NSUN6: variants seen among roughly 807,000 people sequenced by gnomAD.
NSUN6 encodes the protein NOP2/Sun RNA methyltransferase 6, also known as tRNA (cytosine(72)-C(5))-methyltransferase NSUN6.
A neutral mutation model predicts 58.0 loss-of-function variants in NSUN6; 64 were observed. That is an observed-to-expected ratio of 1.10 (90% confidence interval 0.90 to 1.36). NSUN6 has a LOEUF of 1.36. Among genes scored for constraint, NSUN6 ranks in the 40% most tolerant of loss-of-function variants. NSUN6 has a pLI of 0.00. For missense variants in NSUN6, 701 were observed against 550.1 expected (o/e 1.27, Z -2.74); for synonymous variants, 231 against 193.9 (o/e 1.19, Z -1.59).
At chr10:18,625,535 A>C (rs1238131361) in intron 3 of NSUN6, among the ~76,000 whole-genome samples, 1 of 151,854 alleles carries the variant, frequency 6.6e-6, no homozygotes, top group South Asian at 2.1e-4. Context: ...CAACATGGTA[A>C]AACTCCGTCT....
rs2054235378 is a variant in NSUN6 at position 18,546,036 on chromosome 10, A to G, written c.1307T>C (p.Met436Thr). The G allele has an allele frequency of 1.2e-6, 2 of 1,601,118 alleles. No individual in the cohort carries two copies. The highest frequency in any genetic ancestry group is 1.7e-6 in the Non-Finnish European group (2 of 1,175,448). The change falls in exon 11 of 11, where the codon ATG becomes ACG. Residue 436 changes from methionine to threonine, a missense_variant. Transcript: ENST00000377304. The part of the protein sequence containing the change: ...PSAVPLPDTD[M>T]DSLREARRED... ...TCTTCTGGCCTCTCTAAGAGAGTCCATGTCAGTGTCCGGTAATGGCACAGC... is the reference window on the plus strand; with the variant it reads ...TCTTCTGGCCTCTCTAAGAGAGTCCGTGTCAGTGTCCGGTAATGGCACAGC...
chr10:18,563,273 A>C (rs191182944), intron 8 of NSUN6, among the ~76,000 whole-genome samples: 1 of 151,086 alleles, frequency 6.6e-6, no homozygotes, highest in African/African-American at 2.4e-5. Context: ...AAGGGAAGGG[A>C]ATGGAGAATG....
intron 3 of NSUN6, among the ~76,000 whole-genome samples, chr10:18,630,397 C>G (rs1312228987): frequency 6.6e-6 from 1 of 151,534 alleles, no homozygotes; most frequent in African/African-American, 2.4e-5. Context: ...CAAGAAATAA[C>G]TAAAATCAGA....
At chr10:18,561,459 G>C (rs188663210) in intron 8 of NSUN6, among the ~76,000 whole-genome samples, 16 of 103,730 alleles carry the variant, frequency 1.5e-4, no homozygotes, top group Admixed American at 1.2e-3. Context: ...GAATGGAATG[G>C]AATGGAAAAA....
At chr10:18,609,494 C>A (rs944221310) in intron 6 of NSUN6, among the ~76,000 whole-genome samples, 1 of 151,980 alleles carries the variant, frequency 6.6e-6, no homozygotes, top group African/African-American at 2.4e-5. Flanking sequence ...TACTACCAAA[C>A]CAGCAGACTA....
At position 18,609,857 on chromosome 10, in the gene NSUN6, G is replaced by C; in HGVS notation, c.645C>G (p.Tyr215Ter). Residue 215 changes from tyrosine (Y) to a stop codon, truncating the protein, a stop_gained, in exon 6 of 11, where the codon TAC becomes TAG. Coordinates refer to ENST00000377304, the MANE Select transcript of NSUN6 (RefSeq NM_182543.5). LOFTEE classifies it high-confidence loss of function. ...TATACATACTTACTTGTAAAAATAA[G>C]TAACGGGGCAGTACACTGTCAAATG... ...SPSFDSVLPR[Y>*]LFLQNLPSAL... The C allele has an allele frequency of 6.4e-7, 1 of 1,563,674 alleles. No homozygotes were observed. Among genetic ancestry groups the C allele is most frequent in the Non-Finnish European group, 8.8e-7 (1 of 1,134,520 alleles).
upstream of NSUN6, chr10:18,655,146 G>C (rs757666055): frequency 1.0e-6 from 1 of 982,978 alleles, no homozygotes; most frequent in Non-Finnish European, 1.2e-6. Flanking sequence ...TAAATCCCTC[G>C]CTGCTTTATC....
At chr10:18,566,819 T>C (rs2055992722) in intron 8 of NSUN6, among the ~76,000 whole-genome samples, 1 of 148,978 alleles carries the variant, frequency 6.7e-6, no homozygotes, top group South Asian at 2.1e-4. Context: ...CCATACCATT[T>C]TTCATTCCAT....
At chr10:18,576,694 T>C (rs1415564088) in intron 8 of NSUN6, among the ~76,000 whole-genome samples, 4 of 152,164 alleles carry the variant, frequency 2.6e-5, no homozygotes, top group Non-Finnish European at 4.4e-5. Context: ...TTAGCATTCC[T>C]TGGAGACCGG....
intron 6 of NSUN6, among the ~76,000 whole-genome samples, chr10:18,605,628 T>C (rs1228157233): frequency 6.6e-6 from 1 of 152,162 alleles, no homozygotes; most frequent in East Asian, 1.9e-4. Flanking sequence ...TCAGTTGGCG[T>C]CTAGATAGGC....
intron 4 of NSUN6, among the ~76,000 whole-genome samples, chr10:18,615,633 C>T (rs2058383060): frequency 3.3e-5 from 5 of 152,218 alleles, no homozygotes; most frequent in Admixed American, 3.3e-4. Flanking sequence ...TCAAATTATT[C>T]ATTTCAAGGA....
chr10:18,586,788 G>C (rs2057166837), intron 7 of NSUN6, among the ~76,000 whole-genome samples: 2 of 151,702 alleles, frequency 1.3e-5, no homozygotes, highest in Non-Finnish European at 3.0e-5. Flanking sequence ...GCAGCTACTG[G>C]CTCTGGTGGC....
rs370693342 is a variant in NSUN6 at position 18,592,728 on chromosome 10, T to TA, written c.777+3479dup. On this transcript the variant is annotated intron_variant, in intron 7 of 10. Coordinates refer to ENST00000377304, the MANE Select transcript of NSUN6 (RefSeq NM_182543.5). The stretch of plus-strand genomic sequence containing the variant: ...ATTAACTCAAGATGGATTAAAAACT[T>TA]AAATGTAAAACCCAAAACCATAAAA... 4.5e-3 allele frequency among the ~76,000 whole-genome samples: 681 copies of TA among 152,192 alleles called. 8 individuals are homozygous for TA. Among genetic ancestry groups the TA allele is most frequent in the African/African-American group, 0.016 (648 of 41,514 alleles).
chr10:18,562,000 G>T (rs1004156516), intron 8 of NSUN6, among the ~76,000 whole-genome samples: 1 of 150,480 alleles, frequency 6.6e-6, no homozygotes, highest in Non-Finnish European at 1.5e-5. Flanking sequence ...ATGGAATGGA[G>T]AATTGAAAGG....
chr10:18,626,177 C>T (rs763101538), intron 3 of NSUN6, among the ~76,000 whole-genome samples: 12 of 151,856 alleles, frequency 7.9e-5, no homozygotes, highest in Non-Finnish European at 1.5e-4. Flanking sequence ...AAAGCAAACA[C>T]TGCATCCATG....
intron 7 of NSUN6, among the ~76,000 whole-genome samples, chr10:18,590,898 G>A (rs768180481): frequency 2.0e-5 from 3 of 152,000 alleles, no homozygotes; most frequent in African/African-American, 4.8e-5. Context: ...AATAACTAGA[G>A]CAGAAATGAA....
At chr10:18,613,944 T>C (rs1352689647) in intron 5 of NSUN6, among the ~76,000 whole-genome samples, 1 of 152,184 alleles carries the variant, frequency 6.6e-6, no homozygotes, top group Non-Finnish European at 1.5e-5. Context: ...TTAGGGCCAC[T>C]AGCAACCAGG....
intron 6 of NSUN6, among the ~76,000 whole-genome samples, chr10:18,603,224 C>T (rs1324586123): frequency 6.6e-6 from 1 of 151,954 alleles, no homozygotes; most frequent in Non-Finnish European, 1.5e-5. Flanking sequence ...ACCTGGGAGG[C>T]GGAGGTTGCA....
At chr10:18,548,575 T>C (rs2054426429) in intron 9 of NSUN6, among the ~76,000 whole-genome samples, 1 of 152,204 alleles carries the variant, frequency 6.6e-6, no homozygotes, top group Admixed American at 6.5e-5. Flanking sequence ...CCTACTTAAA[T>C]GTTCAGTTGG....
Sources: allele counts gnomAD v4.1 joint callset (sites outside exome capture counted in the v4.1 genomes callset), GRCh38; gene constraint gnomAD v4.1.1; transcripts MANE v1.5; gene names NCBI Gene and HGNC (gene_info 2026-07-23, HGNC 2026-07-21).